SLC39A11: variants seen among roughly 807,000 people sequenced by gnomAD.
The protein encoded by SLC39A11 is solute carrier family 39 member 11.
SLC39A11 carries 33 observed loss-of-function variants against 36.1 expected under a neutral mutation model. The observed-to-expected ratio is 0.91, with a 90% CI of 0.69 to 1.22. The LOEUF is 1.22. Ranked by LOEUF, SLC39A11 falls within the 50% of genes most tolerant of loss-of-function variation. SLC39A11 has a pLI of 0.00. For synonymous variants in SLC39A11, 166 were observed against 170.3 expected, an observed-to-expected ratio of 0.97 and a Z score of 0.20; for missense variants, 432 against 430.3, an observed-to-expected ratio of 1.00 and a Z score of -0.03.
In SLC39A11 at chr17:73,034,044, C is replaced by T. The variant is rs1424960171; in HGVS notation, c.148-2330G>A. ...GATCCGTTCAACTCCATGAGCCGGG[C>T]TGTCAATAAAGACCATCAAAGGAAA... On this transcript the variant is annotated intron_variant, in intron 3 of 9. Coordinates refer to ENST00000255559, the MANE Select transcript of SLC39A11 (RefSeq NM_139177.4). 3.9e-5 allele frequency among the ~76,000 whole-genome samples: 6 copies of T among 152,192 alleles called. No homozygotes were observed. The East Asian group carries it at 1.2e-3, about 29-fold the overall frequency.
At chr17:72,845,873 T>C (rs2079023945) in intron 6 of SLC39A11, among the ~76,000 whole-genome samples, 1 of 152,208 alleles carries the variant, frequency 6.6e-6, no homozygotes, top group Non-Finnish European at 1.5e-5. Context: ...TCAATTGAGA[T>C]TCCTGGAAGG....
At chr17:72,760,009 C>T (rs1227951978) in intron 6 of SLC39A11, among the ~76,000 whole-genome samples, 2 of 152,034 alleles carry the variant, frequency 1.3e-5, no homozygotes, top group Non-Finnish European at 2.9e-5. Context: ...CTTCACAGGT[C>T]ACATATAGGT....
At chr17:72,670,947 C>A (rs1023903477) in intron 7 of SLC39A11, among the ~76,000 whole-genome samples, 1 of 152,126 alleles carries the variant, frequency 6.6e-6, no homozygotes, top group Non-Finnish European at 1.5e-5. Context: ...TATCACTGTT[C>A]CATGAAATAT....
At chr17:73,025,577 C>T (rs950979254) in intron 4 of SLC39A11, among the ~76,000 whole-genome samples, 3 of 152,096 alleles carry the variant, frequency 2.0e-5, no homozygotes, top group Non-Finnish European at 4.4e-5. Flanking sequence ...CAATAAAAAT[C>T]ATTTCAAATT....
intron 6 of SLC39A11, among the ~76,000 whole-genome samples, chr17:72,797,313 T>A (rs1698898408): frequency 6.6e-6 from 1 of 152,058 alleles, no homozygotes; most frequent in South Asian, 2.1e-4. Context: ...ATACGGAGCC[T>A]CTGCAGGGCT....
chr17:72,936,649 G>A (rs756761704), intron 5 of SLC39A11, among the ~76,000 whole-genome samples: 2 of 152,108 alleles, frequency 1.3e-5, no homozygotes. Context: ...ACCTAGCCCT[G>A]GAGCCAGACA....
At chr17:72,942,544 C>T (rs2085179378) in intron 5 of SLC39A11, among the ~76,000 whole-genome samples, 1 of 152,128 alleles carries the variant, frequency 6.6e-6, no homozygotes, top group South Asian at 2.1e-4. Flanking sequence ...ACCTCACTCT[C>T]GATCAAATTT....
chr17:72,937,228 C>T (rs527537228), intron 5 of SLC39A11, among the ~76,000 whole-genome samples: 1 of 152,138 alleles, frequency 6.6e-6, no homozygotes, highest in African/African-American at 2.4e-5. Context: ...ATCGCCTGAG[C>T]TCAGGAGTTC....
chr17:73,021,444 A>G (rs1172712040), intron 4 of SLC39A11, among the ~76,000 whole-genome samples: 1 of 152,000 alleles, frequency 6.6e-6, no homozygotes, highest in Non-Finnish European at 1.5e-5. Flanking sequence ...GGTTCAAGCA[A>G]TTCTTGTGCC....
intron 3 of SLC39A11, among the ~76,000 whole-genome samples, chr17:73,064,812 G>C (rs1181123572): frequency 6.6e-6 from 1 of 152,152 alleles, no homozygotes; most frequent in Non-Finnish European, 1.5e-5. Flanking sequence ...GAAAAGCAGA[G>C]AGCAAGGATT....
intron 5 of SLC39A11, among the ~76,000 whole-genome samples, chr17:72,869,318 G>A (rs1436512357): frequency 6.6e-6 from 1 of 152,178 alleles, no homozygotes; most frequent in Non-Finnish European, 1.5e-5. Flanking sequence ...TGTTAAATAC[G>A]GAAGCATGGT....
At chr17:72,679,656 A>C (rs935488064) in intron 7 of SLC39A11, among the ~76,000 whole-genome samples, 4 of 152,194 alleles carry the variant, frequency 2.6e-5, no homozygotes, top group African/African-American at 9.7e-5. Context: ...GACATGTTGC[A>C]GGAGGTATTG....
At chr17:72,852,004 C>T (rs2079354751) in intron 5 of SLC39A11, among the ~76,000 whole-genome samples, 1 of 151,556 alleles carries the variant, frequency 6.6e-6, no homozygotes, top group Non-Finnish European at 1.5e-5. Context: ...AGATTGAGAC[C>T]ATCCTGGCTA....
At chr17:72,694,365 T>C (rs1263192935) in intron 7 of SLC39A11, among the ~76,000 whole-genome samples, 1 of 152,232 alleles carries the variant, frequency 6.6e-6, no homozygotes, top group East Asian at 1.9e-4. Context: ...AATTGGCTCC[T>C]TAGGATACCT....
chr17:73,001,271 T>C (rs2089805131), intron 4 of SLC39A11, among the ~76,000 whole-genome samples: 1 of 142,318 alleles, frequency 7.0e-6, no homozygotes, highest in South Asian at 2.4e-4. Flanking sequence ...AGTTAGCCAT[T>C]TGTTGTGTTA....
At position 72,842,078 on chromosome 17, in the gene SLC39A11, ATGTG is replaced by A. The variant is rs61185081; in HGVS notation, c.601+7552_601+7555del. Among the ~76,000 whole-genome samples the A allele has an allele frequency of 3.1e-3, 457 of 148,896 alleles. 1 individual carries two copies. The highest frequency in any genetic ancestry group is 0.01 in the African/African-American group (410 of 40,388). ...GAGAGAGATCTTGTCTCAAAAAACTATGTGTGTGTGTGTGTGTGTGTGTGCACGC... is the reference window on the plus strand; with the variant it reads ...GAGAGAGATCTTGTCTCAAAAAACTATGTGTGTGTGTGTGTGTGTGCACGC... On this transcript the variant is annotated intron_variant, in intron 6 of 9. Transcript: ENST00000255559.
chr17:72,914,605 G>A (rs997414937), intron 5 of SLC39A11, among the ~76,000 whole-genome samples: 2 of 152,072 alleles, frequency 1.3e-5, no homozygotes, highest in African/African-American at 4.8e-5. Context: ...AATAGGCCGG[G>A]TGCAGTGGCT....
intron 5 of SLC39A11, among the ~76,000 whole-genome samples, chr17:72,909,652 A>G (rs960960253): frequency 6.6e-6 from 1 of 151,988 alleles, no homozygotes. Context: ...AAGGTGAAGA[A>G]TTGTTGATTT....
At chr17:72,742,368 T>A (rs1258124712) in intron 6 of SLC39A11, among the ~76,000 whole-genome samples, 1 of 152,104 alleles carries the variant, frequency 6.6e-6, no homozygotes, top group Non-Finnish European at 1.5e-5. Flanking sequence ...TCCATGGTCA[T>A]GAGAATATGA....
Sources: allele counts gnomAD v4.1 joint callset (sites outside exome capture counted in the v4.1 genomes callset), GRCh38; gene constraint gnomAD v4.1.1; transcripts MANE v1.5; gene names NCBI Gene and HGNC (gene_info 2026-07-23, HGNC 2026-07-21).